The following EIF3L variants were observed in gnomAD, a reference collection of about 807,000 sequenced individuals.
EIF3L encodes eukaryotic translation initiation factor 3 subunit L.
Under a neutral mutation model 74.6 loss-of-function variants are expected in EIF3L, and 32 were observed. The ratio of observed to expected loss-of-function variants is 0.43; its 90% CI spans 0.32 to 0.58. The LOEUF (loss-of-function observed/expected upper bound fraction) is 0.58. Ranked by LOEUF, EIF3L falls within the 20% of genes least tolerant of loss-of-function variation. EIF3L has a pLI of 0.06. For synonymous variants in EIF3L, 256 were observed against 254.4 expected (o/e 1.01, Z -0.06); for missense variants, 474 against 707.8 (o/e 0.67, Z 3.75).
At chr22:37,860,271 A>C (rs1925786096) in intron 5 of EIF3L, among the ~76,000 whole-genome samples, 1 of 152,176 alleles carries the variant, frequency 6.6e-6, no homozygotes, top group Non-Finnish European at 1.5e-5. Context: ...AAGCCTTGGC[A>C]TTATTCTTGA....
chr22:37,860,770 G>A (rs561283741), intron 5 of EIF3L, among the ~76,000 whole-genome samples: 1 of 152,276 alleles, frequency 6.6e-6, no homozygotes, highest in Admixed American at 6.5e-5. Context: ...TGCAGGAGCT[G>A]CTTACCTGGT....
At chr22:37,882,326 A>T (rs1421295185) in intron 11 of EIF3L, 1 of 152,102 alleles carries the variant, frequency 6.6e-6, no homozygotes, top group Non-Finnish European at 1.5e-5. Flanking sequence ...GAGAAAAAGC[A>T]TTTTGGTCTA....
At chr22:37,857,832 C>G (rs1205323998) in intron 4 of EIF3L, among the ~76,000 whole-genome samples, 1 of 152,064 alleles carries the variant, frequency 6.6e-6, no homozygotes, top group Non-Finnish European at 1.5e-5. Flanking sequence ...CTGCACCTGG[C>G]CTGAACATTT....
rs1236517937 is a variant in EIF3L, at chr22:37,874,240, A to G, written c.752-130A>G. 4.5e-6 allele frequency: 4 copies of G among 889,452 alleles called. No individual in the cohort carries two copies. In the African/African-American group the frequency reaches 6.8e-5, roughly 15 times the overall value. The allele number at this position is 889,452 out of a possible 1,614,324, so 55.1% of individuals were successfully genotyped here. A position where few individuals can be genotyped will look rare whatever the true frequency, so the allele number is the denominator to read the frequency against. On this transcript the variant is annotated intron_variant, in intron 8 of 12. Transcript: ENST00000652021. ...TGTTTCTTGGTATTCCTTTGAAGTT[A>G]TTCCCCAGTTGTTGAGGGAAGCTTT...
At chr22:37,885,566 A>T (rs1254703326) in intron 11 of EIF3L, 1 of 152,106 alleles carries the variant, frequency 6.6e-6, no homozygotes, top group Non-Finnish European at 1.5e-5. Context: ...AATGGTGTTC[A>T]AAATATTTTC....
chr22:37,873,459 G>A (rs112710804), intron 8 of EIF3L, among the ~76,000 whole-genome samples: 7,430 of 151,560 alleles, frequency 0.049, 581 homozygotes, highest in African/African-American at 0.17. Context: ...CACCATGCCC[G>A]GCTAATTTTT....
intron 7 of EIF3L, among the ~76,000 whole-genome samples, chr22:37,868,750 C>G (rs926885335): frequency 2.0e-5 from 3 of 146,876 alleles, no homozygotes; most frequent in Admixed American, 7.0e-5. Context: ...TCAAGCGATT[C>G]ACCTGCCTCA....
At chr22:37,860,660 ACTGTGCCTGGC>A (rs1258606558) in intron 5 of EIF3L, among the ~76,000 whole-genome samples, 1 of 152,230 alleles carries the variant, frequency 6.6e-6, no homozygotes, top group Non-Finnish European at 1.5e-5. Context: ...GGCGTGAGCC[ACTGTGCCTGGC>A]CTTCAGCATA....
chr22:37,853,151 A>G (rs1925319493), intron 3 of EIF3L, among the ~76,000 whole-genome samples: 1 of 152,202 alleles, frequency 6.6e-6, no homozygotes, highest in Non-Finnish European at 1.5e-5. Flanking sequence ...CAGCAGCCTC[A>G]GTTCTTGCCT....
intron 5 of EIF3L, 37 bp downstream of exon 5, chr22:37,858,777 TG>T (rs1925682780): frequency 2.5e-6 from 4 of 1,570,984 alleles, no homozygotes; most frequent in South Asian, 1.2e-5. Context: ...TTTTTGTTTT[TG>T]TTTTTTTAAC....
chr22:37,888,316 T>G, intron 12 of EIF3L, 110 bp from the exon 13 acceptor site: 1 of 1,186,764 alleles, frequency 8.4e-7, no homozygotes, highest in Non-Finnish European at 1.2e-6. Flanking sequence ...AGAAACTTCC[T>G]TTCTTGGCTT....
At chr22:37,851,247 G>GC (rs1925203300) in intron 2 of EIF3L, 33 bp from the exon 3 acceptor site, 1 of 1,595,358 alleles carries the variant, frequency 6.3e-7, no homozygotes, top group African/African-American at 1.3e-5. Context: ...GTGGGTTTGA[G>GC]CATACTCTGT....
At chr22:37,862,938 T>A in intron 5 of EIF3L, 31 bp from the exon 6 acceptor site, 1 of 1,533,860 alleles carries the variant, frequency 6.5e-7, no homozygotes, top group Admixed American at 1.8e-5. Flanking sequence ...ATTAAATATC[T>A]GTATCTTGAT....
intron 5 of EIF3L, among the ~76,000 whole-genome samples, chr22:37,860,554 G>A (rs1925802564): frequency 6.6e-6 from 1 of 152,114 alleles, no homozygotes; most frequent in South Asian, 2.1e-4. Context: ...TGTATTTTTA[G>A]TAGAGACAGG....
chr22:37,870,328 G>A lies in EIF3L; in HGVS notation c.732G>A (p.Leu244=). Residue 244 remains leucine, a synonymous_variant, in exon 8 of 13, where the codon TTG becomes TTA. Transcript: ENST00000652021. ...ACAAATCCAACATCAACCGACAGTT[G>A]GAGGTATACACAAGCGGAGGTGAGT... The part of the protein sequence containing the change: ...LVDKSNINRQ[L]EVYTSGGDPE... 1 of 1,611,160 alleles carries A rather than the reference G, an allele frequency of 6.2e-7. No homozygotes were observed. Among genetic ancestry groups the A allele is most frequent in the Non-Finnish European group, 8.5e-7 (1 of 1,178,218 alleles).
chr22:37,853,030 A>G (rs1294306161), intron 3 of EIF3L, among the ~76,000 whole-genome samples: 3 of 152,128 alleles, frequency 2.0e-5, no homozygotes, highest in African/African-American at 7.2e-5. Context: ...CCAATGATGA[A>G]TCCGTATCTG....
At chr22:37,859,370 G>GTTTTTTT (rs1437551077) in intron 5 of EIF3L, among the ~76,000 whole-genome samples, 13 of 72,772 alleles carry the variant, frequency 1.8e-4, no homozygotes, top group African/African-American at 9.4e-4. Flanking sequence ...AGTACGTGAA[G>GTTTTTTT]TTTCTTTTTT....
In EIF3L at chr22:37,856,869, A is replaced by G. The variant is rs1260665982; in HGVS notation, c.373+1225A>G. 2.0e-5 allele frequency among the ~76,000 whole-genome samples: 3 copies of G among 150,938 alleles called. No individual in the cohort carries two copies. The East Asian group carries it at 5.8e-4, about 29-fold the overall frequency. The stretch of plus-strand genomic sequence containing the variant: ...CAAAAAAAAAAAAAGAAAGAAAGAA[A>G]TTGGGAATTGGTAAGTCCTCCAACT... On this transcript the variant is annotated intron_variant, in intron 4 of 12. Coordinates refer to ENST00000652021, the MANE Select transcript of EIF3L (RefSeq NM_016091.4).
rs1927461186 is a variant in EIF3L at position 37,889,059 on chromosome 22, G to GC, written c.*595_*596insC. On this transcript the variant is annotated 3_prime_UTR_variant, in exon 13 of 13. Transcript: ENST00000652021. ...CCCCGCCTAAATTCAAAATCTTTTT[G>GC]TTTTTTTTTAGACGGAGTCTCACTC... 1 of 149,806 alleles carries GC rather than the reference G, an allele frequency of 6.7e-6. No individual in the cohort carries two copies. Among genetic ancestry groups the GC allele is most frequent in the African/African-American group, 2.5e-5 (1 of 40,702 alleles). 9.3% of individuals were successfully genotyped at this position (149,806 alleles called of 1,614,324 possible).
Sources: gnomAD v4.1 joint callset for allele counts (sites outside exome capture counted in the v4.1 genomes callset) on GRCh38, gnomAD v4.1.1 for gene constraint, MANE v1.5 for transcripts, NCBI Gene and HGNC (gene_info 2026-07-23, HGNC 2026-07-21) for gene names.